Variants in NRXN3 observed in about 807,000 individuals in gnomAD.
NRXN3 encodes neurexin III.
Under a neutral mutation model 137.6 loss-of-function variants are expected in NRXN3, and 32 were observed. The observed-to-expected ratio is 0.23, with a 90% CI of 0.18 to 0.31. The LOEUF (loss-of-function observed/expected upper bound fraction) is 0.31, where lower values mean the gene tolerates loss of function less well. Ranked by LOEUF, NRXN3 falls within the 10% of genes least tolerant of loss-of-function variation. The pLI, the probability that NRXN3 is intolerant of heterozygous loss-of-function variation, is 1.00. For synonymous variants in NRXN3, 798 were observed against 784.5 expected (o/e 1.02, Z -0.29); for missense variants, 1,574 against 2,062.5 (o/e 0.76, Z 4.59).
intron 15 of NRXN3, among the ~76,000 whole-genome samples, chr14:79,020,444 T>C (rs1158749560): frequency 1.4e-5 from 2 of 147,734 alleles, no homozygotes; most frequent in East Asian, 4.0e-4. Flanking sequence ...TTTTTTTTTT[T>C]AATAGAGATG....
intron 15 of NRXN3, among the ~76,000 whole-genome samples, chr14:79,190,455 G>A (rs1257144377): frequency 3.3e-5 from 5 of 152,252 alleles, no homozygotes; most frequent in Middle Eastern, 3.4e-3. Context: ...TCTAAATGCA[G>A]AATCAGCCAC....
chr14:79,697,124 T>A (rs1346996580), intron 18 of NRXN3, among the ~76,000 whole-genome samples: 1 of 152,048 alleles, frequency 6.6e-6, no homozygotes, highest in Non-Finnish European at 1.5e-5. Flanking sequence ...CCAAGTCTCT[T>A]AACTGAAATT....
intron 20 of NRXN3, among the ~76,000 whole-genome samples, chr14:79,825,748 G>GA (rs2099295922): frequency 6.6e-6 from 1 of 152,082 alleles, no homozygotes; most frequent in African/African-American, 2.4e-5. Flanking sequence ...GGTGCTGGAA[G>GA]ACATGATCAT....
chr14:78,943,672 ATATATATC>A (rs2099359589), intron 10 of NRXN3, among the ~76,000 whole-genome samples: 4 of 103,798 alleles, frequency 3.9e-5, no homozygotes, highest in South Asian at 3.3e-4. Flanking sequence ...ATATATATAT[ATATATATC>A]TCAAAGAATC....
chr14:79,808,504 C>T (rs886695567), intron 20 of NRXN3, among the ~76,000 whole-genome samples: 18 of 152,026 alleles, frequency 1.2e-4, no homozygotes, highest in Non-Finnish European at 2.9e-5. Flanking sequence ...CCCTAATTCA[C>T]TGCCTCCATT....
At chr14:78,621,494 G>T (rs1417579399) in intron 4 of NRXN3, among the ~76,000 whole-genome samples, 1 of 152,098 alleles carries the variant, frequency 6.6e-6, no homozygotes, top group African/African-American at 2.4e-5. Flanking sequence ...ACAAATGAAT[G>T]TCCATTTTTA....
At chr14:79,057,987 A>C (rs1324075014) in intron 15 of NRXN3, among the ~76,000 whole-genome samples, 1 of 152,224 alleles carries the variant, frequency 6.6e-6, no homozygotes, top group Admixed American at 6.5e-5. Flanking sequence ...GAGAGATCAG[A>C]GTTAGAGCAA....
intron 8 of NRXN3, among the ~76,000 whole-genome samples, chr14:78,781,763 A>T (rs2098770621): frequency 6.6e-6 from 1 of 152,258 alleles, no homozygotes; most frequent in Non-Finnish European, 1.5e-5. Context: ...ATTCAGAACA[A>T]TATATAATCT....
At chr14:79,342,667 C>T (rs2153367234) in intron 15 of NRXN3, among the ~76,000 whole-genome samples, 1 of 152,218 alleles carries the variant, frequency 6.6e-6, no homozygotes, top group South Asian at 2.1e-4. Flanking sequence ...TGCGTTATCC[C>T]CTAGATTTCT....
chr14:79,389,205 T>G (rs1367045241), intron 15 of NRXN3, among the ~76,000 whole-genome samples: 1 of 152,168 alleles, frequency 6.6e-6, no homozygotes, highest in African/African-American at 2.4e-5. Context: ...ACTGGGTAAT[T>G]TGTAAAGAAC....
At chr14:78,257,421 T>A (rs2153471194) in intron 2 of NRXN3, among the ~76,000 whole-genome samples, 1 of 152,352 alleles carries the variant, frequency 6.6e-6, no homozygotes, top group Non-Finnish European at 1.5e-5. Context: ...TCAGAGTTGC[T>A]CTAATAGCAG....
intron 4 of NRXN3, among the ~76,000 whole-genome samples, chr14:78,641,385 G>C (rs1289679323): frequency 1.3e-5 from 2 of 152,016 alleles, no homozygotes; most frequent in African/African-American, 2.4e-5. Flanking sequence ...CTCTTTTAAA[G>C]ACTGGGTTAT....
chr14:79,474,102 C>CA (rs1400264431), intron 16 of NRXN3, among the ~76,000 whole-genome samples: 32 of 151,616 alleles, frequency 2.1e-4, no homozygotes, highest in Admixed American at 2.0e-3. Flanking sequence ...AATTTGAAAC[C>CA]AAAAAAAAGT....
At chr14:79,668,014 G>C (rs1413286734) in intron 17 of NRXN3, among the ~76,000 whole-genome samples, 1 of 151,952 alleles carries the variant, frequency 6.6e-6, no homozygotes, top group African/African-American at 2.4e-5. Context: ...CTGATACACA[G>C]CTTCAATCTT....
intron 8 of NRXN3, among the ~76,000 whole-genome samples, chr14:78,753,561 CAG>C (rs1207188558): frequency 6.6e-6 from 1 of 152,088 alleles, no homozygotes. Context: ...TTTATGCTCT[CAG>C]TGAATAATGA....
At chr14:79,171,729 TG>T (rs1348114091) in intron 15 of NRXN3, among the ~76,000 whole-genome samples, 2 of 152,134 alleles carry the variant, frequency 1.3e-5, no homozygotes. Flanking sequence ...TGAAAATATA[TG>T]GGGAAAAAAT....
intron 15 of NRXN3, among the ~76,000 whole-genome samples, chr14:79,054,506 A>G (rs1204388143): frequency 6.6e-6 from 1 of 152,014 alleles, no homozygotes; most frequent in Non-Finnish European, 1.5e-5. Context: ...TTTTCACAAA[A>G]ATTTGTGTGA....
At chr14:78,393,652 A>G (rs1030450013) in intron 4 of NRXN3, among the ~76,000 whole-genome samples, 1 of 151,958 alleles carries the variant, frequency 6.6e-6, no homozygotes, top group African/African-American at 2.4e-5. Context: ...TCCCAAAACA[A>G]TCTTGCTTGG....
At chr14:79,749,029 A>C (rs544250006) in intron 19 of NRXN3, among the ~76,000 whole-genome samples, 77 of 152,076 alleles carry the variant, frequency 5.1e-4, no homozygotes, top group African/African-American at 1.7e-3. Flanking sequence ...AGAGAAGGAA[A>C]ATTTTTTATA....
Sources: gnomAD v4.1 joint callset for allele counts (sites outside exome capture counted in the v4.1 genomes callset) on GRCh38, gnomAD v4.1.1 for gene constraint, MANE v1.5 for transcripts, NCBI Gene and HGNC (gene_info 2026-07-23, HGNC 2026-07-21) for gene names.